Variants in DMD observed in about 807,000 individuals in gnomAD.
DMD encodes the protein mutant dystrophin.
DMD carries 63 observed loss-of-function variants against 330.1 expected under a neutral mutation model. The observed-to-expected ratio is 0.19, with a 90% confidence interval of 0.16 to 0.24. The LOEUF is 0.24. Among genes scored for constraint, DMD ranks in the 10% least tolerant of loss-of-function variants. The pLI is 1.00. For synonymous variants in DMD, 1,223 were observed against 959.8 expected, an observed-to-expected ratio of 1.27 and a Z score of -5.07; for missense variants, 3,344 against 2,684.1, an observed-to-expected ratio of 1.25 and a Z score of -5.43.
chrX:32,182,053 A>G (rs1399934165), intron 44 of DMD, among the ~76,000 whole-genome samples: 1 of 112,311 alleles, frequency 8.9e-6, no homozygotes, highest in African/African-American at 3.2e-5. Context: ...GAAAGCTTCA[A>G]TGACAGCACA....
Position 31,605,465 on chromosome X carries a change from G to GCAT in DMD, c.8217+22205_8217+22207dup, listed in dbSNP as rs760792111. 9.0e-5 allele frequency among the ~76,000 whole-genome samples: 10 copies of GCAT among 111,652 alleles called. No individual in the cohort carries two copies. The South Asian group carries it at 3.7e-3, about 41-fold the overall frequency. On this transcript the variant is annotated intron_variant, in intron 55 of 78. Coordinates refer to ENST00000357033, the MANE Select transcript of DMD (RefSeq NM_004006.3). ...ATTTTTAGCTTGAAAATGTGTATCT[G>GCAT]CATCAATTGTTAAAAAAAACCTTTT...
intron 47 of DMD, among the ~76,000 whole-genome samples, chrX:31,896,348 G>T (rs756463664): frequency 8.9e-6 from 1 of 111,828 alleles, no homozygotes; most frequent in Non-Finnish European, 1.9e-5. Context: ...CTCACATGAA[G>T]AGGTGCTGAA....
rs144108073 is a variant in DMD at position 31,965,215 on chromosome X, A to G, written c.6614+3124T>C. 0.013 allele frequency among the ~76,000 whole-genome samples: 1,406 copies of G among 111,651 alleles called. 9 individuals carry two copies. Among genetic ancestry groups the G allele is most frequent in the Non-Finnish European group, 0.02 (1,034 of 52,990 alleles). Reference sequence around the variant, plus strand: ...GAGTGTATGAAGATAGTGACTGCACATTAAAATGACTGAAACCATAGTAAA... The same window carrying G: ...GAGTGTATGAAGATAGTGACTGCACGTTAAAATGACTGAAACCATAGTAAA... On this transcript the variant is annotated intron_variant, in intron 45 of 78. Coordinates refer to ENST00000357033, the MANE Select transcript of DMD (RefSeq NM_004006.3).
At chrX:32,999,320 T>G (rs150420042) in intron 2 of DMD, among the ~76,000 whole-genome samples, 23 of 111,639 alleles carry the variant, frequency 2.1e-4, no homozygotes, top group African/African-American at 7.5e-4. Context: ...TAGCTCATCA[T>G]CTATCATTAG....
chrX:32,347,653 T>A (rs779443865), intron 38 of DMD, among the ~76,000 whole-genome samples: 8 of 111,838 alleles, frequency 7.2e-5, no homozygotes, highest in Non-Finnish European at 1.5e-4. Flanking sequence ...CTGAGAAGGC[T>A]CTAGCACTGG....
rs764229059 is a variant in DMD at position 32,300,679 on chromosome X, G to A, written c.6117+9403C>T. Among the ~76,000 whole-genome samples the A allele has an allele frequency of 4.5e-5, 5 of 111,234 alleles. No individual in the cohort carries two copies. The South Asian group carries it at 1.9e-3, about 41-fold the overall frequency. ...TTGACTCACATGCATGGCAAAGGGGGTTTTATAGAAGTAAGTACTTTTCTC... is the reference window on the plus strand; with the variant it reads ...TTGACTCACATGCATGGCAAAGGGGATTTTATAGAAGTAAGTACTTTTCTC... On this transcript the variant is annotated intron_variant, in intron 42 of 78. Coordinates refer to ENST00000357033, the MANE Select transcript of DMD (RefSeq NM_004006.3).
At chrX:32,646,414 G>T (rs2059787063) in intron 9 of DMD, among the ~76,000 whole-genome samples, 1 of 111,460 alleles carries the variant, frequency 9.0e-6, no homozygotes, top group South Asian at 3.8e-4. Flanking sequence ...ACGGAGGTGA[G>T]CAGAACAAAC....
At chrX:31,429,781 C>A (rs2063931503) in intron 60 of DMD, among the ~76,000 whole-genome samples, 1 of 110,399 alleles carries the variant, frequency 9.1e-6, no homozygotes, top group Non-Finnish European at 1.9e-5. Context: ...GAAGAGCTAT[C>A]ATAAAAAGGT....
intron 1 of DMD, among the ~76,000 whole-genome samples, chrX:33,150,996 A>G (rs1168896632): frequency 1.8e-5 from 2 of 112,068 alleles, no homozygotes; most frequent in Non-Finnish European, 3.8e-5. Context: ...TTTTAAAACT[A>G]TATACCAGAC....
In DMD at chrX:32,758,680, G is replaced by C. The variant is rs187083457; in HGVS notation, c.649+50813C>G. On this transcript the variant is annotated intron_variant, in intron 7 of 78. Transcript: ENST00000357033. ...CCCCCATTTACTCTTACTGCAATTT[G>C]CCCTCACACAGGTATTCTCAAGATT... Among the ~76,000 whole-genome samples, 17 of 111,142 alleles carry C rather than the reference G, an allele frequency of 1.5e-4. No individual in the cohort carries two copies. In the East Asian group the frequency reaches 4.9e-3, roughly 32 times the overall value.
At chrX:32,982,670 C>T (rs894301288) in intron 2 of DMD, among the ~76,000 whole-genome samples, 5 of 111,527 alleles carry the variant, frequency 4.5e-5, no homozygotes, top group African/African-American at 6.5e-5. Flanking sequence ...AGTTGAGTGA[C>T]TTACATCTTT....
chrX:31,141,144 A>G (rs1316524377), intron 76 of DMD, among the ~76,000 whole-genome samples: 1 of 111,293 alleles, frequency 9.0e-6, no homozygotes, highest in Admixed American at 9.5e-5. Flanking sequence ...ATGAGCTGAG[A>G]TCGCACCACT....
In DMD at chrX:31,776,609, A is replaced by G. The variant is rs1165279444; in HGVS notation, c.7310-2417T>C. Among the ~76,000 whole-genome samples the G allele has an allele frequency of 1.3e-3, 108 of 83,777 alleles. 1 individual carries two copies. The highest frequency in any genetic ancestry group is 4.6e-3 in the African/African-American group (104 of 22,834). The allele number at this position is 83,777 out of a possible 115,157, so 72.8% of individuals were successfully genotyped here. On this transcript the variant is annotated intron_variant, in intron 50 of 78. Coordinates refer to ENST00000357033, the MANE Select transcript of DMD (RefSeq NM_004006.3). ...AAAGTCAGGGAGGGAGGGAGGGAGG[A>G]AGGAGGGAGGGAGGGAGGGAGGGAA...
In DMD at chrX:33,128,014, G is replaced by A. The variant is rs780501386; in HGVS notation, c.31+83268C>T. The A allele has an allele frequency of 2.6e-6, 3 of 1,147,568 alleles. No individual in the cohort carries two copies. In the South Asian group the frequency reaches 5.9e-5, roughly 22 times the overall value. 94.6% of individuals were successfully genotyped at this position (1,147,568 alleles called of 1,213,427 possible). A position where few individuals can be genotyped will look rare whatever the true frequency, so the allele number is the denominator to read the frequency against. ...TTTTATAGAAAGGCATATGGAACAG[G>A]AGTCATCCAAATATATCCCAGGGGT... On this transcript the variant is annotated intron_variant, in intron 1 of 78. Transcript: ENST00000357033.
intron 44 of DMD, among the ~76,000 whole-genome samples, chrX:32,109,642 A>G (rs1321191770): frequency 9.1e-6 from 1 of 110,360 alleles, no homozygotes; most frequent in Non-Finnish European, 1.9e-5. Flanking sequence ...TGAAGTGATC[A>G]TTCTGCTGTC....
intron 63 of DMD, among the ~76,000 whole-genome samples, chrX:31,238,104 A>G (rs1818019674): frequency 1.8e-5 from 2 of 111,790 alleles, no homozygotes; most frequent in Non-Finnish European, 1.9e-5. Context: ...TGAAGATTCA[A>G]TCCAAGAATC....
At chrX:31,929,367 G>C (rs1307955265) in intron 47 of DMD, among the ~76,000 whole-genome samples, 1 of 111,287 alleles carries the variant, frequency 9.0e-6, no homozygotes, top group Admixed American at 9.6e-5. Flanking sequence ...AAAAATTGTG[G>C]TATAAATTTT....
At chrX:32,521,206 T>G (rs1166969527) in intron 17 of DMD, among the ~76,000 whole-genome samples, 2 of 112,296 alleles carry the variant, frequency 1.8e-5, no homozygotes, top group Non-Finnish European at 3.8e-5. Flanking sequence ...AGTCTCACTC[T>G]GTCACCAGGC....
intron 55 of DMD, among the ~76,000 whole-genome samples, chrX:31,576,335 T>A: frequency 8.9e-6 from 1 of 112,105 alleles, no homozygotes; most frequent in East Asian, 2.8e-4. Context: ...TAAATAATGT[T>A]CAGTGTAGTA....
Sources: allele counts gnomAD v4.1 joint callset (sites outside exome capture counted in the v4.1 genomes callset), GRCh38; gene constraint gnomAD v4.1.1; transcripts MANE v1.5; gene names NCBI Gene and HGNC (gene_info 2026-07-23, HGNC 2026-07-21).